Variants in MAF observed in about 807,000 individuals in gnomAD.
MAF encodes the protein transcription factor Maf.
In MAF, 10 loss-of-function variants were observed where a neutral mutation model predicts 22.0. The observed-to-expected ratio is 0.45, with a 90% CI of 0.28 to 0.77. The LOEUF is 0.77. MAF is among the 30% of genes least tolerant of loss of function. MAF has a pLI of 0.12. For missense variants in MAF, 544 were observed against 548.4 expected (o/e 0.99, Z 0.08); for synonymous variants, 337 against 255.8 (o/e 1.32, Z -3.03).
the MAF span, among the ~76,000 whole-genome samples, chr16:79,341,858 A>G: frequency 6.6e-6 from 1 of 152,176 alleles, no homozygotes; most frequent in Non-Finnish European, 1.5e-5. Context: ...AGAGAAAGTG[A>G]TAAACTTGCT....
the MAF span, among the ~76,000 whole-genome samples, chr16:79,462,548 C>CAT: frequency 2.0e-5 from 3 of 152,314 alleles, no homozygotes; most frequent in East Asian, 5.8e-4. Context: ...TGTTCACACA[C>CAT]ATATATGCAC....
chr16:79,477,769 G>A, the MAF span, among the ~76,000 whole-genome samples: 1 of 151,868 alleles, frequency 6.6e-6, no homozygotes. Flanking sequence ...CTGTTGCCCA[G>A]GCTGGAGTGC....
the MAF span, among the ~76,000 whole-genome samples, chr16:79,365,403 CT>C: frequency 6.6e-6 from 1 of 152,262 alleles, no homozygotes. Context: ...AAATACAACG[CT>C]GCTGATGTTT....
chr16:79,481,624 C>A, the MAF span, among the ~76,000 whole-genome samples: 15 of 152,270 alleles, frequency 9.9e-5, no homozygotes, highest in Admixed American at 3.9e-4. Context: ...ACCCATCCAT[C>A]CATCTACCCA....
chr16:79,464,103 A>G, the MAF span, among the ~76,000 whole-genome samples: 1 of 152,194 alleles, frequency 6.6e-6, no homozygotes, highest in African/African-American at 2.4e-5. Flanking sequence ...CTCCACTCTT[A>G]TTTTGCTTCT....
At chr16:79,317,602 A>C in the MAF span, among the ~76,000 whole-genome samples, 1 of 150,652 alleles carries the variant, frequency 6.6e-6, no homozygotes, top group African/African-American at 2.5e-5. Context: ...ACAAATTCTT[A>C]CTTATTCCAG....
the MAF span, among the ~76,000 whole-genome samples, chr16:79,285,936 C>G: frequency 1.3e-5 from 2 of 152,178 alleles, no homozygotes; most frequent in Admixed American, 1.3e-4. Flanking sequence ...CATCTCTGCC[C>G]CCATATTTAG....
the MAF span, among the ~76,000 whole-genome samples, chr16:79,545,261 C>T: frequency 2.0e-5 from 3 of 152,068 alleles, no homozygotes; most frequent in African/African-American, 7.2e-5. Flanking sequence ...CTCAACTTCC[C>T]GCAAATCAAG....
At chr16:79,306,797 A>G in the MAF span, among the ~76,000 whole-genome samples, 1 of 152,182 alleles carries the variant, frequency 6.6e-6, no homozygotes, top group Non-Finnish European at 1.5e-5. Flanking sequence ...GACTAGAGGC[A>G]GTCTCTCTGT....
the MAF span, among the ~76,000 whole-genome samples, chr16:79,365,621 C>T: frequency 6.6e-6 from 1 of 151,836 alleles, no homozygotes; most frequent in Non-Finnish European, 1.5e-5. Flanking sequence ...GGTCTGTGAC[C>T]TGGTCTCAAC....
chr16:79,452,319 G>A, the MAF span, among the ~76,000 whole-genome samples: 1 of 152,164 alleles, frequency 6.6e-6, no homozygotes, highest in African/African-American at 2.4e-5. Context: ...TTGCTGTGCT[G>A]TGTAAATTTT....
chr16:79,498,759 A>G, the MAF span, among the ~76,000 whole-genome samples: 1 of 152,208 alleles, frequency 6.6e-6, no homozygotes, highest in South Asian at 2.1e-4. Flanking sequence ...CCTCTATACT[A>G]TCCTAGCCCA....
At chr16:79,261,660 G>A in the MAF span, among the ~76,000 whole-genome samples, 13 of 152,148 alleles carry the variant, frequency 8.5e-5, no homozygotes, top group African/African-American at 3.1e-4. Context: ...GGCCTGCCCC[G>A]CCTGTCAGGC....
At chr16:79,471,395 T>C in the MAF span, among the ~76,000 whole-genome samples, 1 of 152,232 alleles carries the variant, frequency 6.6e-6, no homozygotes, top group Non-Finnish European at 1.5e-5. Flanking sequence ...CAATGGCTCA[T>C]GCCTATAATC....
the MAF span, among the ~76,000 whole-genome samples, chr16:79,376,715 C>T: frequency 0.012 from 1,751 of 152,182 alleles, 41 homozygotes; most frequent in African/African-American, 0.041. Flanking sequence ...GTGTGATGTT[C>T]CCCTTCCTGT....
At chr16:79,449,173 C>G in the MAF span, among the ~76,000 whole-genome samples, 1 of 152,264 alleles carries the variant, frequency 6.6e-6, no homozygotes, top group East Asian at 1.9e-4. Context: ...AATGCTGCCA[C>G]CGATCTGACA....
At chr16:79,506,821 G>A in the MAF span, among the ~76,000 whole-genome samples, 1 of 152,106 alleles carries the variant, frequency 6.6e-6, no homozygotes, top group Non-Finnish European at 1.5e-5. Flanking sequence ...GACTCAAGAT[G>A]GGGCCAGGTC....
chr16:79,420,001 A>G, the MAF span, among the ~76,000 whole-genome samples: 1 of 126,226 alleles, frequency 7.9e-6, no homozygotes, highest in Non-Finnish European at 1.7e-5. Flanking sequence ...AGGGTAACAC[A>G]CGGTTTTTTT....
the MAF span, among the ~76,000 whole-genome samples, chr16:79,268,798 G>A: frequency 6.6e-6 from 1 of 152,138 alleles, no homozygotes; most frequent in Admixed American, 6.6e-5. Flanking sequence ...GGCCACCTGG[G>A]GCAGCCAACA....
Sources: allele counts gnomAD v4.1 joint callset (sites outside exome capture counted in the v4.1 genomes callset), GRCh38; gene constraint gnomAD v4.1.1; transcripts MANE v1.5; gene names NCBI Gene and HGNC (gene_info 2026-07-23, HGNC 2026-07-21).